Variants in RAD51B observed in about 807,000 individuals in gnomAD.
RAD51B encodes the protein DNA repair protein RAD51 homolog 2.
RAD51B carries 38 observed loss-of-function variants against 42.2 expected under a neutral mutation model. The ratio of observed to expected loss-of-function variants is 0.90; its 90% CI spans 0.70 to 1.18. RAD51B has a LOEUF of 1.18. Ranked by LOEUF, RAD51B falls within the 50% of genes most tolerant of loss-of-function variation. The pLI is 0.00. For synonymous variants in RAD51B, 154 were observed against 145.2 expected (o/e 1.06, Z -0.43); for missense variants, 373 against 400.7 (o/e 0.93, Z 0.59).
At chr14:68,613,620 G>GT (rs544331351), downstream of RAD51B, among the ~76,000 whole-genome samples, 1,244 of 151,830 alleles carry the variant, frequency 8.2e-3, 17 homozygotes, top group African/African-American at 0.028. Flanking sequence ...CACCCGGCTA[G>GT]TTTTTTTGTA....
At chr14:68,240,927 T>C (rs1188268626) in intron 7 of RAD51B, among the ~76,000 whole-genome samples, 1 of 152,208 alleles carries the variant, frequency 6.6e-6, no homozygotes, top group East Asian at 1.9e-4. Flanking sequence ...TAAGCTAAAA[T>C]AAAACCAAAT....
intron 7 of RAD51B, among the ~76,000 whole-genome samples, chr14:68,024,099 A>G (rs1363510765): frequency 6.6e-6 from 1 of 152,164 alleles, no homozygotes. Context: ...TTTATTGAAT[A>G]GGGAGTTCTT....
At chr14:67,927,113 A>G (rs2044542691) in intron 7 of RAD51B, among the ~76,000 whole-genome samples, 1 of 152,226 alleles carries the variant, frequency 6.6e-6, no homozygotes, top group Non-Finnish European at 1.5e-5. Flanking sequence ...ATTTCAGGGT[A>G]GAATAATTCT....
intron 10 of RAD51B, among the ~76,000 whole-genome samples, chr14:68,518,559 C>T (rs918943863): frequency 4.6e-5 from 7 of 150,706 alleles, no homozygotes; most frequent in African/African-American, 1.5e-4. Flanking sequence ...TATGAGCCCC[C>T]CCCCCAGGCC....
Position 68,370,579 on chromosome 14 carries a change from C to T in RAD51B, c.854-40845C>T, listed in dbSNP as rs79055596. Among the ~76,000 whole-genome samples the T allele has an allele frequency of 6.3e-3, 964 of 152,232 alleles. 5 individuals are homozygous for T. Among genetic ancestry groups the T allele is most frequent in the Middle Eastern group, 0.027 (8 of 294 alleles). ...AGGAGTATAGACTGTAAGGGGGCCA[C>T]ATGAAAGCCAGGAGACAAGTCAGCA... On this transcript the variant is annotated intron_variant, in intron 8 of 10. Transcript: ENST00000471583.
chr14:67,845,733 G>T (rs763392703), intron 4 of RAD51B, among the ~76,000 whole-genome samples: 20 of 151,842 alleles, frequency 1.3e-4, no homozygotes, highest in Non-Finnish European at 2.4e-4. Flanking sequence ...CCTTAAGAAT[G>T]TTGAATATAG....
chr14:67,860,227 A>G (rs766517460), intron 4 of RAD51B, among the ~76,000 whole-genome samples: 5 of 152,202 alleles, frequency 3.3e-5, no homozygotes, highest in Non-Finnish European at 7.3e-5. Flanking sequence ...AGAGGATGCT[A>G]TATATTTGAA....
At chr14:68,130,461 G>C (rs1392502252) in intron 7 of RAD51B, among the ~76,000 whole-genome samples, 1 of 152,142 alleles carries the variant, frequency 6.6e-6, no homozygotes, top group Non-Finnish European at 1.5e-5. Flanking sequence ...GAACAAACTG[G>C]GCAGCCAGCC....
intron 1 of RAD51B, among the ~76,000 whole-genome samples, chr14:67,820,936 G>GCAATGTGAT (rs1157927886): frequency 8.5e-5 from 13 of 152,286 alleles, no homozygotes; most frequent in African/African-American, 2.9e-4. Context: ...ACTGAACGTT[G>GCAATGTGAT]CAATGTGATG....
chr14:68,299,175 C>T (rs1343992640), intron 8 of RAD51B, among the ~76,000 whole-genome samples: 8 of 151,958 alleles, frequency 5.3e-5, no homozygotes, highest in Admixed American at 5.2e-4. Flanking sequence ...TTTTAGCATA[C>T]ATCAGAATCA....
chr14:68,447,758 G>A (rs2085456062), intron 9 of RAD51B, among the ~76,000 whole-genome samples: 1 of 151,658 alleles, frequency 6.6e-6, no homozygotes. Flanking sequence ...CACATATTAA[G>A]CTTGATGAAA....
At chr14:68,606,997 CAT>C (rs534746174) in intron 10 of RAD51B, among the ~76,000 whole-genome samples, 30 of 152,302 alleles carry the variant, frequency 2.0e-4, no homozygotes, top group African/African-American at 6.7e-4. Flanking sequence ...TGTGGCATGT[CAT>C]GTGTAAATTA....
At chr14:67,909,117 C>T (rs192619952) in intron 7 of RAD51B, among the ~76,000 whole-genome samples, 3 of 152,226 alleles carry the variant, frequency 2.0e-5, no homozygotes, top group African/African-American at 7.2e-5. Context: ...ACATAACCCC[C>T]TAAACAAAAG....
intron 5 of RAD51B, among the ~76,000 whole-genome samples, chr14:67,876,533 A>G (rs1264521051): frequency 6.6e-6 from 1 of 152,220 alleles, no homozygotes; most frequent in Non-Finnish European, 1.5e-5. Flanking sequence ...TTTAAAGTGC[A>G]TTGTAGCTAT....
At chr14:68,202,296 CA>C (rs1438400691) in intron 7 of RAD51B, among the ~76,000 whole-genome samples, 1 of 152,012 alleles carries the variant, frequency 6.6e-6, no homozygotes, top group Non-Finnish European at 1.5e-5. Flanking sequence ...GCCACTTTCT[CA>C]AAACAAGTCA....
At chr14:68,096,099 C>G (rs1311335211) in intron 7 of RAD51B, among the ~76,000 whole-genome samples, 2 of 151,056 alleles carry the variant, frequency 1.3e-5, no homozygotes, top group Non-Finnish European at 2.9e-5. Flanking sequence ...CCATCTTTTT[C>G]ATACTTGACT....
chr14:68,113,890 T>C (rs1013216567), intron 7 of RAD51B: 2 of 152,134 alleles, frequency 1.3e-5, no homozygotes, highest in African/African-American at 2.4e-5. Context: ...TAGTTGAAGA[T>C]GTGATTTCTT....
intron 7 of RAD51B, among the ~76,000 whole-genome samples, chr14:67,954,248 G>C (rs995642991): frequency 1.3e-5 from 2 of 152,168 alleles, no homozygotes; most frequent in African/African-American, 4.8e-5. Context: ...TCAATGCCAA[G>C]ATTATATATA....
intron 7 of RAD51B, among the ~76,000 whole-genome samples, chr14:67,990,784 A>G (rs2140291681): frequency 1.3e-5 from 2 of 152,306 alleles, no homozygotes; most frequent in Middle Eastern, 6.8e-3. Context: ...ATATACAAAT[A>G]TGTATAGTTT....
Sources: gnomAD v4.1 joint callset for allele counts (sites outside exome capture counted in the v4.1 genomes callset) on GRCh38, gnomAD v4.1.1 for gene constraint, MANE v1.5 for transcripts, NCBI Gene and HGNC (gene_info 2026-07-23, HGNC 2026-07-21) for gene names.